STIM2: variants seen among roughly 807,000 people sequenced by gnomAD.
STIM2 encodes stromal interaction molecule 2.
STIM2 carries 31 observed loss-of-function variants against 85.8 expected under a neutral mutation model. That is an observed-to-expected ratio of 0.36 (90% CI 0.27 to 0.49). The LOEUF (loss-of-function observed/expected upper bound fraction) is 0.49, where lower values mean the gene tolerates loss of function less well. Ranked by LOEUF, STIM2 falls within the 20% of genes least tolerant of loss-of-function variation. The pLI, the probability that STIM2 is intolerant of heterozygous loss-of-function variation, is 0.98. For missense variants in STIM2, 841 were observed against 927.6 expected, an observed-to-expected ratio of 0.91 and a Z score of 1.21; for synonymous variants, 356 against 331.1, an observed-to-expected ratio of 1.08 and a Z score of -0.82.
chr4:26,959,343 G>A (rs556891244), intron 3 of STIM2, among the ~76,000 whole-genome samples: 1 of 152,108 alleles, frequency 6.6e-6, no homozygotes, highest in South Asian at 2.1e-4. Flanking sequence ...CACCTCCTTT[G>A]TTAAAGTCTT....
Position 26,914,743 on chromosome 4 carries a change from C to T in STIM2, c.152-4761C>T, listed in dbSNP as rs745639725. Among the ~76,000 whole-genome samples the T allele has an allele frequency of 6.6e-5, 10 of 151,928 alleles. 1 individual carries two copies. Among genetic ancestry groups the T allele is most frequent in the South Asian group, 6.2e-4 (3 of 4,828 alleles). ...CCCAATCAAGTTTAGGGTAAAGTTACGATACAATATAATATACTTAATATA... is the reference window on the plus strand; with the variant it reads ...CCCAATCAAGTTTAGGGTAAAGTTATGATACAATATAATATACTTAATATA... On this transcript the variant is annotated intron_variant, in intron 1 of 11. Coordinates refer to ENST00000467087, the MANE Select transcript of STIM2 (RefSeq NM_020860.4).
At chr4:26,922,551 T>C (rs1054053249) in intron 2 of STIM2, among the ~76,000 whole-genome samples, 17 of 152,236 alleles carry the variant, frequency 1.1e-4, no homozygotes, top group East Asian at 3.9e-4. Flanking sequence ...AAGAAATGCA[T>C]AGGGCAAGGT....
chr4:26,979,874 T>C (rs1402270850), intron 3 of STIM2, among the ~76,000 whole-genome samples: 1 of 152,224 alleles, frequency 6.6e-6, no homozygotes, highest in Non-Finnish European at 1.5e-5. Context: ...AAAGATTTGG[T>C]AGTATGTTTT....
At chr4:26,965,786 T>G (rs1215604276) in intron 3 of STIM2, among the ~76,000 whole-genome samples, 1 of 152,128 alleles carries the variant, frequency 6.6e-6, no homozygotes, top group Non-Finnish European at 1.5e-5. Context: ...AATCCTGCCT[T>G]CTTTACATAG....
intron 2 of STIM2, among the ~76,000 whole-genome samples, chr4:26,930,213 T>C (rs1373279754): frequency 6.6e-6 from 1 of 152,178 alleles, no homozygotes. Context: ...AGTGTAGGTA[T>C]TTGGTCAACA....
chr4:27,010,585 A>G (rs755744676), intron 10 of STIM2, among the ~76,000 whole-genome samples: 21 of 152,200 alleles, frequency 1.4e-4, no homozygotes, highest in Non-Finnish European at 2.4e-4. Flanking sequence ...CAAAAGCCTA[A>G]TTTCTGGACC....
chr4:26,894,391 TTCTG>T (rs1389500665), intron 1 of STIM2, among the ~76,000 whole-genome samples: 4 of 152,218 alleles, frequency 2.6e-5, no homozygotes, highest in Non-Finnish European at 4.4e-5. Flanking sequence ...TCCTTTTCTA[TTCTG>T]TCTTTTATTG....
chr4:26,908,833 C>T (rs988874893), intron 1 of STIM2, among the ~76,000 whole-genome samples: 1 of 152,154 alleles, frequency 6.6e-6, no homozygotes, highest in Non-Finnish European at 1.5e-5. Context: ...CCACTTTATC[C>T]TCTCTCTTTG....
rs562396035 is a variant in STIM2, at chr4:26,964,019, T to C, written c.397+6293T>C. The stretch of plus-strand genomic sequence containing the variant: ...CCACATAGTAAGTGATGAACAGATA[T>C]CTATTACTACTGTTTTTGGAAGGTA... On this transcript the variant is annotated intron_variant, in intron 3 of 11. Coordinates refer to ENST00000467087, the MANE Select transcript of STIM2 (RefSeq NM_020860.4). 5.3e-5 allele frequency among the ~76,000 whole-genome samples: 8 copies of C among 152,330 alleles called. No homozygotes were observed. The East Asian group carries it at 1.5e-3, about 29-fold the overall frequency.
At chr4:26,995,174 C>A (rs1483962645) in intron 3 of STIM2, among the ~76,000 whole-genome samples, 1 of 152,084 alleles carries the variant, frequency 6.6e-6, no homozygotes, top group Non-Finnish European at 1.5e-5. Context: ...TCATGCTAAT[C>A]TTTGTCCTAA....
chr4:26,957,253 A>T (rs1388821053), intron 2 of STIM2, among the ~76,000 whole-genome samples: 1 of 152,162 alleles, frequency 6.6e-6, no homozygotes, highest in African/African-American at 2.4e-5. Flanking sequence ...GTACAGACAC[A>T]GCCATCCATT....
At chr4:26,974,890 T>C (rs918230279) in intron 3 of STIM2, among the ~76,000 whole-genome samples, 1 of 152,224 alleles carries the variant, frequency 6.6e-6, no homozygotes, top group Non-Finnish European at 1.5e-5. Context: ...AATGTAGATT[T>C]GGTCTTTTCA....
In STIM2 at chr4:26,954,435, T is replaced by C. The variant is rs546466796; in HGVS notation, c.283-3177T>C. Reference sequence around the variant, plus strand: ...GAACTCTACATTATTTGCCGTACATTATTTGAAGACTCACTTCATTGAATT... The same window carrying C: ...GAACTCTACATTATTTGCCGTACATCATTTGAAGACTCACTTCATTGAATT... On this transcript the variant is annotated intron_variant, in intron 2 of 11. Coordinates refer to ENST00000467087, the MANE Select transcript of STIM2 (RefSeq NM_020860.4). Among the ~76,000 whole-genome samples the C allele has an allele frequency of 2.3e-5, 3 of 129,390 alleles. No individual in the cohort carries two copies. In the South Asian group the frequency reaches 7.2e-4, roughly 31 times the overall value. The allele number at this position is 129,390 out of a possible 152,430, so 84.9% of individuals were successfully genotyped here. A position where few individuals can be genotyped will look rare whatever the true frequency, so the allele number is the denominator to read the frequency against.
rs1435048378 is a variant in STIM2, at chr4:27,024,583, TCTATTA to T, written c.*1593_*1598del. The T allele has an allele frequency of 6.6e-6, 1 of 152,258 alleles. No individual in the cohort carries two copies. Among genetic ancestry groups the T allele is most frequent in the Non-Finnish European group, 1.5e-5 (1 of 68,044 alleles). The allele number at this position is 152,258 out of a possible 1,614,324, so 9.4% of individuals were successfully genotyped here. ...TCTCCTATAAATTGTGATTGTTTAT[TCTATTA>T]CTATTGTTAAAAACTTGAATGGTAT... is the stretch of plus-strand genomic sequence containing the variant. On this transcript the variant is annotated 3_prime_UTR_variant, in exon 12 of 12. Transcript: ENST00000467087.
rs147129282 is a variant in STIM2, at chr4:26,975,244, A to G, written c.397+17518A>G. ...GACCTTCTGAAGCCTACTTCTGTCA[A>G]CTTGTCACAGTCATTCTCTGTCCTG... On this transcript the variant is annotated intron_variant, in intron 3 of 11. Coordinates refer to ENST00000467087, the MANE Select transcript of STIM2 (RefSeq NM_020860.4). Among the ~76,000 whole-genome samples the G allele has an allele frequency of 3.2e-3, 494 of 152,288 alleles. 2 individuals carry two copies. Among genetic ancestry groups the G allele is most frequent in the African/African-American group, 0.011 (469 of 41,566 alleles).
At chr4:26,986,350 G>T (rs1020613445) in intron 3 of STIM2, among the ~76,000 whole-genome samples, 6 of 152,090 alleles carry the variant, frequency 3.9e-5, no homozygotes, top group African/African-American at 9.7e-5. Context: ...GTATTTAGGT[G>T]ATTTCACAGA....
intron 1 of STIM2, among the ~76,000 whole-genome samples, chr4:26,906,838 G>A (rs1200357370): frequency 6.6e-6 from 1 of 152,076 alleles, no homozygotes; most frequent in African/African-American, 2.4e-5. Flanking sequence ...ATGGTGGTGG[G>A]CACCTGTAGT....
chr4:26,868,902 T>C (rs925813892), intron 1 of STIM2, among the ~76,000 whole-genome samples: 7 of 152,236 alleles, frequency 4.6e-5, no homozygotes, highest in Non-Finnish European at 7.3e-5. Flanking sequence ...TTCTTTCTTC[T>C]GGGTACCACA....
intron 3 of STIM2, among the ~76,000 whole-genome samples, chr4:26,980,378 G>A (rs1696200171): frequency 6.6e-6 from 1 of 151,698 alleles, no homozygotes; most frequent in Admixed American, 6.6e-5. Context: ...TTAATTATTT[G>A]TTAATAACTT....
Sources: gnomAD v4.1 joint callset for allele counts (sites outside exome capture counted in the v4.1 genomes callset) on GRCh38, gnomAD v4.1.1 for gene constraint, MANE v1.5 for transcripts, NCBI Gene and HGNC (gene_info 2026-07-23, HGNC 2026-07-21) for gene names.